PARD3B: variants seen among roughly 807,000 people sequenced by gnomAD.
PARD3B encodes partitioning defective 3 homolog B.
Under a neutral mutation model 130.2 loss-of-function variants are expected in PARD3B, and 103 were observed. The observed-to-expected ratio is 0.79, with a 90% confidence interval of 0.67 to 0.93. PARD3B has a LOEUF of 0.93. Among genes scored for constraint, PARD3B ranks in the 40% least tolerant of loss-of-function variants. The pLI is 0.00. For synonymous variants in PARD3B, 583 were observed against 553.2 expected (o/e 1.05, Z -0.76); for missense variants, 1,609 against 1,499.2 (o/e 1.07, Z -1.21).
chr2:204,956,986 A>G (rs1690295425), intron 2 of PARD3B, among the ~76,000 whole-genome samples: 1 of 152,160 alleles, frequency 6.6e-6, no homozygotes. Context: ...TACCACTGCT[A>G]GAGATGGTGA....
At position 204,570,910 on chromosome 2, in the gene PARD3B, T is replaced by C. The variant is rs34708507; in HGVS notation, c.120+24791T>C. ...TGCAACTGAGGTGTATAAGCTGTTG[T>C]AACTGAGGTGTATAAGCTGTTGTAA... is the stretch of plus-strand genomic sequence containing the variant. On this transcript the variant is annotated intron_variant, in intron 1 of 22. Transcript: ENST00000406610. 6.2e-3 allele frequency among the ~76,000 whole-genome samples: 896 copies of C among 144,430 alleles called. 5 individuals carry two copies. Among genetic ancestry groups the C allele is most frequent in the Middle Eastern group, 0.016 (4 of 258 alleles). The allele number at this position is 144,430 out of a possible 152,430, so 94.8% of individuals were successfully genotyped here. A position where few individuals can be genotyped will look rare whatever the true frequency, so the allele number is the denominator to read the frequency against.
At chr2:204,620,920 C>T (rs911729636) in intron 1 of PARD3B, among the ~76,000 whole-genome samples, 1 of 152,156 alleles carries the variant, frequency 6.6e-6, no homozygotes, top group Non-Finnish European at 1.5e-5. Flanking sequence ...AGACTTTGAT[C>T]TACACTTATA....
chr2:205,075,855 A>T (rs1701024739), intron 4 of PARD3B, among the ~76,000 whole-genome samples: 1 of 152,142 alleles, frequency 6.6e-6, no homozygotes, highest in Admixed American at 6.6e-5. Flanking sequence ...AATTTTAAAC[A>T]TGATGGTAAT....
chr2:204,559,867 G>C (rs1389731382), intron 1 of PARD3B, among the ~76,000 whole-genome samples: 1 of 152,194 alleles, frequency 6.6e-6, no homozygotes, highest in Admixed American at 6.5e-5. Context: ...TGTAAAAAAG[G>C]GTGAGTTCCT....
At chr2:204,802,035 TTGCATCCCAGGGA>T (rs2042589551) in intron 2 of PARD3B, among the ~76,000 whole-genome samples, 1 of 152,204 alleles carries the variant, frequency 6.6e-6, no homozygotes, top group Non-Finnish European at 1.5e-5. Flanking sequence ...TGAACAAGCG[TTGCATCCCAGGGA>T]TGAAGCCAAC....
intron 1 of PARD3B, among the ~76,000 whole-genome samples, chr2:204,593,752 G>T (rs1220148679): frequency 6.6e-6 from 1 of 152,142 alleles, no homozygotes; most frequent in Non-Finnish European, 1.5e-5. Context: ...TCCAGGTCCT[G>T]CAGCTGCAGA....
At chr2:205,129,463 A>G (rs2031783959) in intron 10 of PARD3B, among the ~76,000 whole-genome samples, 1 of 152,240 alleles carries the variant, frequency 6.6e-6, no homozygotes, top group Admixed American at 6.5e-5. Context: ...TTTCCTTTCA[A>G]AAACTTGAAG....
At chr2:205,040,525 T>C (rs1054135019) in intron 3 of PARD3B, among the ~76,000 whole-genome samples, 5 of 152,220 alleles carry the variant, frequency 3.3e-5, no homozygotes, top group Non-Finnish European at 7.3e-5. Flanking sequence ...TGAGAGGTAT[T>C]GTTCCAGGTG....
chr2:205,113,519 G>T lies in PARD3B; in HGVS notation c.622G>T (p.Gly208Trp). The change falls in exon 6 of 23, where the codon GGG becomes TGG. Residue 208 changes from glycine (G) to tryptophan (W), a missense_variant. Physicochemically the swap from Gly to Trp is radical, Grantham distance 184 (BLOSUM62 -2). Transcript: ENST00000406610. ...SDMTRTVEIS[G>W]EGGPLGIHVV... ...TATGACAAGAACAGTGGAGATTTCT[G>T]GGGAAGGAGGCCCATTGGGAATACA... is the stretch of plus-strand genomic sequence containing the variant. The T allele has an allele frequency of 6.2e-7, 1 of 1,613,176 alleles. No homozygotes were observed. The highest frequency in any genetic ancestry group is 1.1e-5 in the South Asian group (1 of 91,002).
intron 2 of PARD3B, among the ~76,000 whole-genome samples, chr2:204,801,950 T>A (rs2042585480): frequency 6.6e-6 from 1 of 152,232 alleles, no homozygotes; most frequent in Non-Finnish European, 1.5e-5. Context: ...CTTTTTTGCA[T>A]CTATTGAGAT....
chr2:204,888,544 C>G (rs2046338586), intron 2 of PARD3B, among the ~76,000 whole-genome samples: 1 of 151,988 alleles, frequency 6.6e-6, no homozygotes, highest in South Asian at 2.1e-4. Flanking sequence ...CCAGTCTTGG[C>G]AACATGGTGA....
intron 18 of PARD3B, among the ~76,000 whole-genome samples, chr2:205,376,185 A>G (rs1418085387): frequency 6.6e-6 from 1 of 152,196 alleles, no homozygotes; most frequent in African/African-American, 2.4e-5. Flanking sequence ...CACAGATGAA[A>G]AAACAGGTTT....
chr2:204,805,211 G>A (rs6738660), intron 2 of PARD3B, among the ~76,000 whole-genome samples: 36,181 of 151,768 alleles, frequency 0.24, 7,362 homozygotes, highest in African/African-American at 0.55. Context: ...AACAAATAAA[G>A]TCAGAGATGA....
intron 5 of PARD3B, among the ~76,000 whole-genome samples, chr2:205,110,844 T>C (rs1054960039): frequency 6.6e-6 from 1 of 152,144 alleles, no homozygotes; most frequent in Non-Finnish European, 1.5e-5. Flanking sequence ...TCTAAACAAA[T>C]AGCAATAATA....
At chr2:204,741,146 G>T (rs975700469) in intron 2 of PARD3B, among the ~76,000 whole-genome samples, 11 of 152,212 alleles carry the variant, frequency 7.2e-5, no homozygotes, top group Non-Finnish European at 1.5e-4. Flanking sequence ...TATCACTAAT[G>T]AACTGTTAGA....
At chr2:204,697,438 A>T (rs1053974327) in intron 2 of PARD3B, among the ~76,000 whole-genome samples, 3 of 152,102 alleles carry the variant, frequency 2.0e-5, no homozygotes, top group Admixed American at 6.6e-5. Flanking sequence ...GTTTCAAGAA[A>T]ATCTTTTTCA....
intron 16 of PARD3B, among the ~76,000 whole-genome samples, chr2:205,278,502 A>G (rs1465327644): frequency 6.6e-6 from 1 of 152,176 alleles, no homozygotes; most frequent in Admixed American, 6.5e-5. Context: ...ATTTTTTTCA[A>G]AGGTCTGATA....
At chr2:205,162,941 A>G (rs2125722568) in intron 11 of PARD3B, among the ~76,000 whole-genome samples, 1 of 152,300 alleles carries the variant, frequency 6.6e-6, no homozygotes, top group East Asian at 1.9e-4. Context: ...CATGTACCAT[A>G]TTAACTGAAA....
At chr2:205,185,986 C>G (rs1438016908) in intron 14 of PARD3B, 123 bp downstream of exon 14, 2 of 758,386 alleles carry the variant, frequency 2.6e-6, no homozygotes, top group Middle Eastern at 2.5e-4. Flanking sequence ...CTTATAGTAT[C>G]TATAATTCCT....
Sources: gnomAD v4.1 joint callset for allele counts (sites outside exome capture counted in the v4.1 genomes callset) on GRCh38, gnomAD v4.1.1 for gene constraint, MANE v1.5 for transcripts, NCBI Gene and HGNC (gene_info 2026-07-23, HGNC 2026-07-21) for gene names.